Variants in KIF17 observed in about 807,000 individuals in gnomAD.
KIF17 encodes kinesin-like protein KIF17.
Under a neutral mutation model 96.8 loss-of-function variants are expected in KIF17, and 80 were observed. That is an observed-to-expected ratio of 0.83 (90% CI 0.69 to 1.00). KIF17 has a LOEUF of 1.00. KIF17 is among the 50% of genes least tolerant of loss of function. The probability of loss-of-function intolerance (pLI) is 0.00; values close to 1 mark genes in which losing one functional copy is unlikely to be tolerated. For missense variants in KIF17, 1,280 were observed against 1,372.9 expected (o/e 0.93, Z 1.07); for synonymous variants, 567 against 587.5 (o/e 0.97, Z 0.51).
rs749295230 is a variant in KIF17 at position 20,717,538 on chromosome 1, C to A, written c.169G>T (p.Ala57Ser). 1.9e-6 allele frequency: 3 copies of A among 1,611,472 alleles called. No homozygotes were observed. The highest frequency in any genetic ancestry group is 2.5e-6 in the Non-Finnish European group (3 of 1,179,446). Reference protein sequence around the residue: ...EPPKQFTFDGAYHVDHVTEQI... With the variant: ...EPPKQFTFDGSYHVDHVTEQI... ...TCGGTGACGTGGTCCACGTGGTAGGCGCCGTCGAAGGTGAACTGCTTGGGC... is the reference window on the plus strand; with the variant it reads ...TCGGTGACGTGGTCCACGTGGTAGGAGCCGTCGAAGGTGAACTGCTTGGGC... The change falls in exon 1 of 15, where the codon GCC (alanine) becomes TCC (serine). Residue 57 changes from alanine (A) to serine (S), a missense_variant. Ala to Ser is a moderately conservative substitution (Grantham distance 99, BLOSUM62 1). Transcript: ENST00000400463.
intron 10 of KIF17, among the ~76,000 whole-genome samples, chr1:20,683,872 C>T (rs898955325): frequency 6.6e-6 from 1 of 151,564 alleles, no homozygotes; most frequent in South Asian, 2.1e-4. Context: ...TAGGATGCCA[C>T]CCCTGCAGCA....
Position 20,685,296 on chromosome 1 carries a change from T to C in KIF17, c.2020-276A>G. The C allele has an allele frequency of 1.6e-6, 1 of 635,748 alleles. No individual in the cohort carries two copies. Among genetic ancestry groups the C allele is most frequent in the South Asian group, 1.5e-5 (1 of 65,840 alleles). 39.4% of individuals were successfully genotyped at this position (635,748 alleles called of 1,614,324 possible). Reference sequence around the variant, plus strand: ...ACAGGCAGCCAGGGCCATCTTAAAATAGAAACCGATCACATCCCGTTCCCG... The same window carrying C: ...ACAGGCAGCCAGGGCCATCTTAAAACAGAAACCGATCACATCCCGTTCCCG... On this transcript the variant is annotated intron_variant, in intron 9 of 14. Transcript: ENST00000400463. This position sits in a 1 kb window ranked among gnomAD's most constrained non-coding sequence, Gnocchi z 4.1.
Position 20,666,213 on chromosome 1 carries a change from C to T in KIF17, c.2908+1G>A. The T allele has an allele frequency of 6.2e-7, 1 of 1,610,058 alleles. No homozygotes were observed. The highest frequency in any genetic ancestry group is 8.5e-7 in the Non-Finnish European group (1 of 1,176,262). On this transcript the variant is annotated splice_donor_variant, in intron 14 of 14. Coordinates refer to ENST00000400463, the MANE Select transcript of KIF17 (RefSeq NM_001122819.3). LOFTEE classifies it high-confidence loss of function. ...GGTGGGGACAGGGGAGGGACACTCA[C>T]TGAGGCTCTTCCTGGCGTCTGTGCT...
chr1:20,706,921 A>T (rs2054352610), intron 4 of KIF17, among the ~76,000 whole-genome samples: 1 of 151,772 alleles, frequency 6.6e-6, no homozygotes, highest in Non-Finnish European at 1.5e-5. Flanking sequence ...AAAAGAAAAC[A>T]AACAAACAAA....
intron 14 of KIF17, 119 bp from the exon 15 acceptor site, chr1:20,664,881 G>A: frequency 1.0e-6 from 1 of 961,646 alleles, no homozygotes; most frequent in South Asian, 1.4e-5. Context: ...TGCCCAGCCA[G>A]AGGCCCTGGC....
Position 20,687,111 on chromosome 1 carries a change from A to G in KIF17, c.1938+277T>C, listed in dbSNP as rs2053951858. 6.6e-6 allele frequency among the ~76,000 whole-genome samples: 1 copy of G among 152,148 alleles called. No homozygotes were observed. Among genetic ancestry groups the G allele is most frequent in the African/African-American group, 2.4e-5 (1 of 41,430 alleles). ...AAACGCCCTGTACAGCTGTCCCTCC[A>G]TCTGCAGAACGGGAGCCCACCTGGC... On this transcript the variant is annotated intron_variant, in intron 8 of 14. Coordinates refer to ENST00000400463, the MANE Select transcript of KIF17 (RefSeq NM_001122819.3). The surrounding 1 kb of genome is among the most constrained non-coding windows in gnomAD (Gnocchi z 4.4).
In KIF17 at chr1:20,704,866, T is replaced by C. The variant is rs766846267; in HGVS notation, c.704A>G (p.Lys235Arg). The change falls in exon 5 of 15, where the codon AAG becomes AGG. Residue 235 changes from lysine (K) to arginine (R), a missense_variant. Lys to Arg is a conservative substitution (Grantham distance 26). Coordinates refer to ENST00000400463, the MANE Select transcript of KIF17 (RefSeq NM_001122819.3). This position sits in a 1 kb window ranked among gnomAD's most constrained non-coding sequence, Gnocchi z 6.8. ...GCCCGCCAGGTCCACCAGGTTCAGC[T>C]TGCCCGCCCGGAGGTGGTCCTTGCC... ...ERGKDHLRAG[K>R]LNLVDLAGSE... The C allele has an allele frequency of 4.4e-6, 7 of 1,602,242 alleles. No individual in the cohort carries two copies. The highest frequency in any genetic ancestry group is 1.1e-5 in the South Asian group (1 of 91,080).
intron 3 of KIF17, among the ~76,000 whole-genome samples, chr1:20,710,786 AG>A (rs1351294275): frequency 6.6e-6 from 1 of 152,194 alleles, no homozygotes; most frequent in African/African-American, 2.4e-5. Context: ...GAAACAGCCA[AG>A]CCCCACCAAG....
chr1:20,702,154 T>G (rs480676), intron 5 of KIF17, among the ~76,000 whole-genome samples: 116,609 of 152,118 alleles, frequency 0.77, 44,882 homozygotes, highest in Middle Eastern at 0.83. Context: ...ACAAGGCAGG[T>G]GTCGCTATGA....
rs747719983 is a variant in KIF17 at position 20,705,893 on chromosome 1, CTTTTTTTTTT to C, written c.671-1004_671-995del. Among the ~76,000 whole-genome samples the C allele has an allele frequency of 6.6e-3, 352 of 53,578 alleles. 1 individual carries two copies. Among genetic ancestry groups the C allele is most frequent in the African/African-American group, 9.7e-3 (132 of 13,660 alleles). 35.1% of individuals were successfully genotyped at this position (53,578 alleles called of 152,430 possible). The stretch of plus-strand genomic sequence containing the variant: ...GTCTATAATCCTCAGTAGGATGTCT[CTTTTTTTTTT>C]TTTTTTTTTTTTTTTTTGCCTTTGG... On this transcript the variant is annotated intron_variant, in intron 4 of 14. Coordinates refer to ENST00000400463, the MANE Select transcript of KIF17 (RefSeq NM_001122819.3).
chr1:20,716,305 A>G (rs1325029821), intron 1 of KIF17, among the ~76,000 whole-genome samples: 1 of 151,886 alleles, frequency 6.6e-6, no homozygotes, highest in Non-Finnish European at 1.5e-5. Flanking sequence ...GGGCTCTCAC[A>G]GGGTGCATAC....
intron 3 of KIF17, 126 bp downstream of exon 3, chr1:20,713,328 A>AC: frequency 3.0e-6 from 2 of 662,980 alleles, no homozygotes; most frequent in East Asian, 5.6e-5. Context: ...AAAAAAAAAA[A>AC]AAGTCCCGAC....
chr1:20,717,506 G>A lies in KIF17; in HGVS notation c.201C>T (p.Ile67=). 1 of 1,611,850 alleles carries A rather than the reference G, an allele frequency of 6.2e-7. No homozygotes were observed. The highest frequency in any genetic ancestry group is 8.5e-7 in the Non-Finnish European group (1 of 1,179,634). The stretch of plus-strand genomic sequence containing the variant: ...CCAGCGGATAGGCGATCTCGTTGTA[G>A]ATCTGCTCGGTGACGTGGTCCACGT... ...AYHVDHVTEQ[I]YNEIAYPLVE... The change falls in exon 1 of 15, where the codon ATC becomes ATT. Residue 67 remains isoleucine, a synonymous_variant. Coordinates refer to ENST00000400463, the MANE Select transcript of KIF17 (RefSeq NM_001122819.3).
chr1:20,686,232 A>AC, intron 8 of KIF17, 106 bp from the exon 9 acceptor site: 2 of 842,356 alleles, frequency 2.4e-6, no homozygotes. Context: ...GCCTCCCACC[A>AC]CCCCCCAACC....
chr1:20,682,158 C>T (rs2053840618), intron 11 of KIF17, among the ~76,000 whole-genome samples: 1 of 151,578 alleles, frequency 6.6e-6, no homozygotes, highest in Admixed American at 6.6e-5. Flanking sequence ...TACAACATAC[C>T]CGCATGCGTG....
At position 20,717,924 on chromosome 1, in the gene KIF17, C is replaced by T. The variant is rs534068193; in HGVS notation, c.-218G>A. Reference sequence around the variant, plus strand: ...GCCGGGGCCGCCGCTTCCTCCCGCGCCCGGGCTCGCCCGTTTCTGAGGCCC... The same window carrying T: ...GCCGGGGCCGCCGCTTCCTCCCGCGTCCGGGCTCGCCCGTTTCTGAGGCCC... On this transcript the variant is annotated 5_prime_UTR_variant, in exon 1 of 15. Coordinates refer to ENST00000400463, the MANE Select transcript of KIF17 (RefSeq NM_001122819.3). 1.1e-3 allele frequency: 199 copies of T among 187,576 alleles called. No individual in the cohort carries two copies. Among genetic ancestry groups the T allele is most frequent in the African/African-American group, 4.4e-3 (186 of 42,316 alleles). 11.6% of individuals were successfully genotyped at this position (187,576 alleles called of 1,614,324 possible).
chr1:20,714,285 C>A (rs1455858970), intron 2 of KIF17, among the ~76,000 whole-genome samples: 1 of 151,930 alleles, frequency 6.6e-6, no homozygotes, highest in African/African-American at 2.4e-5. Context: ...TGAGATCACG[C>A]CACTGCACTC....
Position 20,690,179 on chromosome 1 carries a change from G to T in KIF17, c.1381+9C>A. On this transcript the variant is annotated intron_variant, in intron 7 of 14. Coordinates refer to ENST00000400463, the MANE Select transcript of KIF17 (RefSeq NM_001122819.3). ...CTGGAGACAGCCTCGGGGGGCAAGGGGTGCCCACCTGTCTCCTTCCGCAGG... is the reference window on the plus strand; with the variant it reads ...CTGGAGACAGCCTCGGGGGGCAAGGTGTGCCCACCTGTCTCCTTCCGCAGG... 1 of 1,614,050 alleles carries T rather than the reference G, an allele frequency of 6.2e-7. No individual in the cohort carries two copies. Among genetic ancestry groups the T allele is most frequent in the Non-Finnish European group, 8.5e-7 (1 of 1,180,010 alleles).
In KIF17 at chr1:20,682,668, C is replaced by T; in HGVS notation, c.2448G>A (p.Glu816=). 6.2e-7 allele frequency: 1 copy of T among 1,614,084 alleles called. No homozygotes were observed. ...EEVRAKSKLL[E]KMQRKLRAAE... ...TGGGCCTCACCTTCCTCTGCATCTT[C>T]TCCAGCAGCTTGCTCTTGGCCCGCA... is the stretch of plus-strand genomic sequence containing the variant. The change falls in exon 11 of 15, where the codon GAG becomes GAA. Residue 816 remains glutamate (E), a synonymous_variant. Coordinates refer to ENST00000400463, the MANE Select transcript of KIF17 (RefSeq NM_001122819.3).
Sources: gnomAD v4.1 joint callset for allele counts (sites outside exome capture counted in the v4.1 genomes callset) on GRCh38, gnomAD v4.1.1 for gene constraint, Gnocchi (gnomAD v3.1) non-coding constraint, MANE v1.5 for transcripts, NCBI Gene and HGNC (gene_info 2026-07-23, HGNC 2026-07-21) for gene names.